The following ABRACL variants were observed in gnomAD, a reference collection of about 807,000 sequenced individuals.
The protein encoded by ABRACL is costars family protein ABRACL.
A neutral mutation model predicts 7.0 loss-of-function variants in ABRACL; 4 were observed. The ratio of observed to expected loss-of-function variants is 0.57; its 90% CI spans 0.28 to 1.30. The LOEUF (loss-of-function observed/expected upper bound fraction) is 1.30. Ranked by LOEUF, ABRACL falls within the 50% of genes most tolerant of loss-of-function variation. The pLI is 0.10. For synonymous variants in ABRACL, 30 were observed against 36.0 expected (o/e 0.83, Z 0.60); for missense variants, 104 against 97.3 (o/e 1.07, Z -0.29).
chr6:139,037,227 A>G (rs1786172983), intron 2 of ABRACL, among the ~76,000 whole-genome samples: 1 of 151,980 alleles, frequency 6.6e-6, no homozygotes, highest in Admixed American at 6.6e-5. Context: ...TATTGTTTGA[A>G]GAGAACACCG....
chr6:139,040,213 A>G (rs1786224562), intron 2 of ABRACL, among the ~76,000 whole-genome samples: 1 of 152,234 alleles, frequency 6.6e-6, no homozygotes, highest in Non-Finnish European at 1.5e-5. Flanking sequence ...TTGAGGGGCA[A>G]AAATGCAGAA....
intron 1 of ABRACL, among the ~76,000 whole-genome samples, chr6:139,030,841 A>C (rs1786071299): frequency 6.6e-6 from 1 of 152,224 alleles, no homozygotes; most frequent in South Asian, 2.1e-4. Flanking sequence ...AAATAGAGGT[A>C]AATAAATGCC....
At chr6:139,035,279 G>C (rs986545586) in intron 2 of ABRACL, among the ~76,000 whole-genome samples, 1 of 152,148 alleles carries the variant, frequency 6.6e-6, no homozygotes, top group Non-Finnish European at 1.5e-5. Context: ...AGTTCTGTAG[G>C]TCAGGAGTTT....
At position 139,043,066 on chromosome 6, in the gene ABRACL, G is replaced by A; in HGVS notation, c.*163G>A. 2.0e-6 allele frequency: 1 copy of A among 511,180 alleles called. No homozygotes were observed. The highest frequency in any genetic ancestry group is 3.2e-6 in the Non-Finnish European group (1 of 309,448). 31.7% of individuals were successfully genotyped at this position (511,180 alleles called of 1,614,324 possible). On this transcript the variant is annotated 3_prime_UTR_variant, in exon 3 of 3. Coordinates refer to ENST00000367660, the MANE Select transcript of ABRACL (RefSeq NM_021243.3). ...GTCTGTCCTTTTTTATATCTTGAAA[G>A]AAAATCTATGTATGATGCTATAAAA...
chr6:139,034,289 G>A (rs779653495), intron 2 of ABRACL, 68 bp downstream of exon 2: 6 of 1,613,666 alleles, frequency 3.7e-6, no homozygotes, highest in South Asian at 2.2e-5. Flanking sequence ...CTGGCATGCT[G>A]GAGAAGCCTA....
intron 2 of ABRACL, among the ~76,000 whole-genome samples, chr6:139,040,368 A>G (rs1168993856): frequency 6.6e-6 from 1 of 152,114 alleles, no homozygotes; most frequent in Admixed American, 6.5e-5. Context: ...TCACCCAAAC[A>G]TTTGTCAGAT....
intron 1 of ABRACL, among the ~76,000 whole-genome samples, chr6:139,031,802 G>A (rs1245594724): frequency 2.0e-5 from 3 of 152,244 alleles, no homozygotes; most frequent in East Asian, 3.9e-4. Context: ...AACTGCTTCT[G>A]GGCCCAGGGT....
At chr6:139,031,810 G>T (rs545980409) in intron 1 of ABRACL, among the ~76,000 whole-genome samples, 12 of 152,214 alleles carry the variant, frequency 7.9e-5, no homozygotes, top group African/African-American at 2.9e-4. Flanking sequence ...CTGGGCCCAG[G>T]GTAAGACTCT....
intron 1 of ABRACL, among the ~76,000 whole-genome samples, chr6:139,029,465 A>G (rs2114292873): frequency 6.6e-6 from 1 of 152,042 alleles, no homozygotes; most frequent in Non-Finnish European, 1.5e-5. Context: ...CGGGGGAGGC[A>G]GACCCGCGGC....
chr6:139,030,689 T>C (rs747234850), intron 1 of ABRACL, among the ~76,000 whole-genome samples: 1 of 152,202 alleles, frequency 6.6e-6, no homozygotes, highest in Non-Finnish European at 1.5e-5. Context: ...GCATGTCACG[T>C]TTCATACAAA....
At chr6:139,030,569 C>G (rs1786067342) in intron 1 of ABRACL, among the ~76,000 whole-genome samples, 1 of 152,204 alleles carries the variant, frequency 6.6e-6, no homozygotes, top group African/African-American at 2.4e-5. Context: ...AATAAAACGT[C>G]AAATTATGTA....
chr6:139,034,020 A>G (rs1295066251), intron 1 of ABRACL, 135 bp from the exon 2 acceptor site: 2 of 1,234,278 alleles, frequency 1.6e-6, no homozygotes, highest in Non-Finnish European at 2.2e-6. Flanking sequence ...GCATCACACA[A>G]ATATTTTTAG....
intron 2 of ABRACL, among the ~76,000 whole-genome samples, chr6:139,038,322 T>A (rs922099317): frequency 3.4e-4 from 52 of 152,244 alleles, no homozygotes; most frequent in African/African-American, 1.2e-3. Flanking sequence ...TCTATAAGCA[T>A]GGAAATACTT....
intron 1 of ABRACL, among the ~76,000 whole-genome samples, chr6:139,031,870 A>G (rs1252034784): frequency 6.6e-6 from 1 of 152,214 alleles, no homozygotes; most frequent in Non-Finnish European, 1.5e-5. Flanking sequence ...TTATCCAAAC[A>G]AAACATAGAC....
At chr6:139,029,305 C>A (rs998075101) in intron 1 of ABRACL, among the ~76,000 whole-genome samples, 1 of 152,056 alleles carries the variant, frequency 6.6e-6, no homozygotes, top group Non-Finnish European at 1.5e-5. Flanking sequence ...GACTCTGCAG[C>A]GCCGGAGGTG....
intron 2 of ABRACL, among the ~76,000 whole-genome samples, chr6:139,038,233 A>G (rs965418682): frequency 6.6e-6 from 1 of 152,224 alleles, no homozygotes; most frequent in African/African-American, 2.4e-5. Flanking sequence ...GAGTGTCATT[A>G]TTCTGGTAAG....
intron 2 of ABRACL, among the ~76,000 whole-genome samples, chr6:139,038,573 A>G (rs1343913694): frequency 6.6e-6 from 1 of 152,236 alleles, no homozygotes; most frequent in Non-Finnish European, 1.5e-5. Flanking sequence ...CTCATTTTTC[A>G]TATAGCGAAA....
At chr6:139,041,688 G>T (rs1010510187) in intron 2 of ABRACL, among the ~76,000 whole-genome samples, 5 of 151,530 alleles carry the variant, frequency 3.3e-5, no homozygotes, top group African/African-American at 1.2e-4. Context: ...CTTCTCATTT[G>T]GCATCCAATC....
chr6:139,035,354 A>C (rs1786137827), intron 2 of ABRACL, among the ~76,000 whole-genome samples: 2 of 152,208 alleles, frequency 1.3e-5, no homozygotes, highest in Non-Finnish European at 2.9e-5. Flanking sequence ...AGGTTCCAGG[A>C]GGGAATCAGT....
Sources: allele counts gnomAD v4.1 joint callset (sites outside exome capture counted in the v4.1 genomes callset), GRCh38; gene constraint gnomAD v4.1.1; transcripts MANE v1.5; gene names NCBI Gene and HGNC (gene_info 2026-07-23, HGNC 2026-07-21).